The following PCSK6 variants were observed in gnomAD, a reference collection of about 807,000 sequenced individuals.
PCSK6 encodes the protein paired basic amino acid cleaving enzyme 4.
A neutral mutation model predicts 123.3 loss-of-function variants in PCSK6; 85 were observed. That is an observed-to-expected ratio of 0.69 (90% CI 0.58 to 0.83). PCSK6 has a LOEUF of 0.83. Among genes scored for constraint, PCSK6 ranks in the 40% least tolerant of loss-of-function variants. PCSK6 has a pLI of 0.00. For missense variants in PCSK6, 1,191 were observed against 1,282.3 expected, an observed-to-expected ratio of 0.93 and a Z score of 1.09; for synonymous variants, 508 against 516.0, an observed-to-expected ratio of 0.98 and a Z score of 0.21.
intron 6 of PCSK6, among the ~76,000 whole-genome samples, chr15:101,416,120 C>T (rs569822758): frequency 2.0e-5 from 3 of 152,302 alleles, no homozygotes; most frequent in Non-Finnish European, 4.4e-5. Flanking sequence ...AAGTTTGGAA[C>T]CTCCTAGAGA....
In PCSK6 at chr15:101,346,805, A is replaced by T. The variant is rs572184446; in HGVS notation, c.1859-14774T>A. On this transcript the variant is annotated intron_variant, in intron 13 of 21. Transcript: ENST00000611716. ...GTGAGACAAAGGTCATCTTTTTGTT[A>T]TGCTTTCTACTGGAGATACAGAACC... The T allele has an allele frequency of 3.2e-5, 40 of 1,231,276 alleles. No homozygotes were observed. In the South Asian group the frequency reaches 6.6e-4, roughly 20 times the overall value. The allele number at this position is 1,231,276 out of a possible 1,614,324, so 76.3% of individuals were successfully genotyped here. A position where few individuals can be genotyped will look rare whatever the true frequency, so the allele number is the denominator to read the frequency against.
chr15:101,328,047 C>T (rs989067054), intron 15 of PCSK6, among the ~76,000 whole-genome samples: 2 of 152,218 alleles, frequency 1.3e-5, no homozygotes, highest in Non-Finnish European at 2.9e-5. Context: ...CCCACCTCAT[C>T]CTGGGTCATC....
At chr15:101,307,941 G>C (rs1215491806) in intron 20 of PCSK6, 1 of 152,770 alleles carries the variant, frequency 6.5e-6, no homozygotes, top group East Asian at 1.9e-4. Context: ...GACCTCAGGG[G>C]ACGGTTGGTG....
intron 20 of PCSK6, chr15:101,312,488 A>C (rs2141337475): frequency 6.6e-6 from 1 of 151,684 alleles, no homozygotes; most frequent in African/African-American, 2.4e-5. Flanking sequence ...CAGCTTTAGA[A>C]TGAGGAAATT....
At chr15:101,366,448 CA>C in intron 12 of PCSK6, 116 bp from the exon 13 acceptor site, 1 of 1,096,766 alleles carries the variant, frequency 9.1e-7, no homozygotes, top group Non-Finnish European at 1.3e-6. Context: ...ACCGTACCCC[CA>C]GGGTAGCGGG....
intron 5 of PCSK6, 148 bp downstream of exon 5, chr15:101,429,839 C>T (rs2056386649): frequency 3.0e-6 from 2 of 674,498 alleles, no homozygotes; most frequent in Non-Finnish European, 5.2e-6. Flanking sequence ...CCTGGCATGG[C>T]CTGTGACTCC....
intron 1 of PCSK6, among the ~76,000 whole-genome samples, chr15:101,462,730 C>T (rs1473600964): frequency 1.3e-5 from 2 of 152,250 alleles, no homozygotes; most frequent in Non-Finnish European, 2.9e-5. Flanking sequence ...AAAATCCCTA[C>T]TTCACATCAA....
At chr15:101,314,527 C>T (rs1350109145) in intron 19 of PCSK6, among the ~76,000 whole-genome samples, 1 of 152,228 alleles carries the variant, frequency 6.6e-6, no homozygotes, top group Admixed American at 6.5e-5. Context: ...GCTCTGGACT[C>T]AGATGGGGCC....
chr15:101,358,849 A>ATTG, intron 13 of PCSK6, among the ~76,000 whole-genome samples: 1 of 152,118 alleles, frequency 6.6e-6, no homozygotes, highest in Non-Finnish European at 1.5e-5. Context: ...ATGCTGAACA[A>ATTG]CAAGCTCAGA....
At chr15:101,320,282 C>T (rs940101818) in intron 18 of PCSK6, among the ~76,000 whole-genome samples, 6 of 152,048 alleles carry the variant, frequency 3.9e-5, no homozygotes, top group Non-Finnish European at 8.8e-5. Context: ...GACAGGGTTT[C>T]GCCATGTTGG....
At chr15:101,307,174 C>T (rs2039742261) in intron 21 of PCSK6, 39 bp downstream of exon 21, 1 of 1,495,954 alleles carries the variant, frequency 6.7e-7, no homozygotes, top group East Asian at 2.3e-5. Context: ...AGCTGAGCTC[C>T]TCCACAGGCA....
In PCSK6 at chr15:101,412,714, A is replaced by AT. The variant is rs1326677557; in HGVS notation, c.824-14139_824-14138insA. 7.9e-3 allele frequency among the ~76,000 whole-genome samples: 903 copies of AT among 113,858 alleles called. 10 individuals are homozygous for AT. The highest frequency in any genetic ancestry group is 0.026 in the East Asian group (127 of 4,886). 74.7% of individuals were successfully genotyped at this position (113,858 alleles called of 152,430 possible). The stretch of plus-strand genomic sequence containing the variant: ...AATTATATATATATATATATATATA[A>AT]AATTACCCAATCTGAACAACATAAA... On this transcript the variant is annotated intron_variant, in intron 6 of 21. Transcript: ENST00000611716.
intron 5 of PCSK6, among the ~76,000 whole-genome samples, chr15:101,428,293 T>C (rs1418404339): frequency 6.6e-6 from 1 of 152,206 alleles, no homozygotes; most frequent in East Asian, 1.9e-4. Flanking sequence ...TATACCTTCC[T>C]CCTCCCAGCA....
chr15:101,330,331 C>T (rs1289652988), intron 15 of PCSK6, among the ~76,000 whole-genome samples: 1 of 152,244 alleles, frequency 6.6e-6, no homozygotes, highest in Non-Finnish European at 1.5e-5. Flanking sequence ...TTCTTGGCAA[C>T]TGCTCTCTTG....
chr15:101,458,444 T>C (rs907042379), intron 1 of PCSK6, among the ~76,000 whole-genome samples: 1 of 152,076 alleles, frequency 6.6e-6, no homozygotes, highest in Non-Finnish European at 1.5e-5. Context: ...ACCCCCGGGC[T>C]GTACACAGTC....
intron 1 of PCSK6, among the ~76,000 whole-genome samples, chr15:101,447,976 A>G (rs1294863174): frequency 2.0e-5 from 3 of 152,240 alleles, no homozygotes; most frequent in Non-Finnish European, 2.9e-5. Flanking sequence ...GCTGCGTCCC[A>G]GTCCTGCTCA....
chr15:101,314,963 G>C (rs374784566), intron 19 of PCSK6, among the ~76,000 whole-genome samples: 2 of 152,192 alleles, frequency 1.3e-5, no homozygotes, highest in East Asian at 3.9e-4. Flanking sequence ...TCATACACCA[G>C]GCGGGGTGCC....
chr15:101,489,612 G>A lies in PCSK6; in HGVS notation c.59C>T (p.Ala20Val). The change falls in exon 1 of 22, where the codon GCC becomes GTC. Residue 20 changes from alanine (A) to valine (V), a missense_variant. Physicochemically the swap from Ala to Val is moderately conservative, Grantham distance 64. Coordinates refer to ENST00000611716, the MANE Select transcript of PCSK6 (RefSeq NM_002570.5). ...GPRPPPRAAAATDTAAGAGGA... is the reference protein window; with the variant it reads ...GPRPPPRAAAVTDTAAGAGGA... ...CCCCGCGCCCGCGGCGGTGTCGGTG[G>A]CGGCGGCGGCCCGGGGCGGCGGCCG... 1.0e-6 allele frequency: 1 copy of A among 968,152 alleles called. No homozygotes were observed. Among genetic ancestry groups the A allele is most frequent in the Admixed American group, 6.6e-5 (1 of 15,132 alleles). The allele number at this position is 968,152 out of a possible 1,614,324, so 60.0% of individuals were successfully genotyped here. A position where few individuals can be genotyped will look rare whatever the true frequency, so the allele number is the denominator to read the frequency against.
chr15:101,307,231 T>G lies in PCSK6; in HGVS notation c.2794A>C (p.Asn932His), dbSNP rs376295985. Residue 932 changes from asparagine to histidine, a missense_variant, in exon 21 of 22, where the codon AAC (asparagine) becomes CAC (histidine). Coordinates refer to ENST00000611716, the MANE Select transcript of PCSK6 (RefSeq NM_002570.5). Reference protein sequence around the residue: ...FTQLGTSCITNHTCSNADETF... With the variant: ...FTQLGTSCITHHTCSNADETF... Reference sequence around the variant, plus strand: ...TGCTCACCGTTGCTGCACGTGTGGTTGGTGATGCAGGAGGTCCCCAGCTGT... The same window carrying G: ...TGCTCACCGTTGCTGCACGTGTGGTGGGTGATGCAGGAGGTCCCCAGCTGT... 13 of 1,613,334 alleles carry G rather than the reference T, an allele frequency of 8.1e-6. No individual in the cohort carries two copies. Among genetic ancestry groups the G allele is most frequent in the Non-Finnish European group, 1.1e-5 (13 of 1,179,468 alleles).
Sources: allele counts gnomAD v4.1 joint callset (sites outside exome capture counted in the v4.1 genomes callset), GRCh38; gene constraint gnomAD v4.1.1; transcripts MANE v1.5; gene names NCBI Gene and HGNC (gene_info 2026-07-23, HGNC 2026-07-21).